GALNT13: variants seen among roughly 807,000 people sequenced by gnomAD.
GALNT13 encodes the protein polypeptide N-acetylgalactosaminyltransferase 13.
A neutral mutation model predicts 64.2 loss-of-function variants in GALNT13; 28 were observed. That is an observed-to-expected ratio of 0.44 (90% confidence interval 0.32 to 0.60). GALNT13 has a LOEUF of 0.60. Among genes scored for constraint, GALNT13 ranks in the 20% least tolerant of loss-of-function variants. The probability of loss-of-function intolerance (pLI) is 0.05; values close to 1 mark genes in which losing one functional copy is unlikely to be tolerated. For synonymous variants in GALNT13, 214 were observed against 224.6 expected, an observed-to-expected ratio of 0.95 and a Z score of 0.42; for missense variants, 577 against 669.8, an observed-to-expected ratio of 0.86 and a Z score of 1.53.
At chr2:154,456,191 T>TTTGTTTTG (rs1553537507), downstream of GALNT13, among the ~76,000 whole-genome samples, 5 of 146,346 alleles carry the variant, frequency 3.4e-5, no homozygotes, top group African/African-American at 1.3e-4. Flanking sequence ...TTTGTTTTGT[T>TTTGTTTTG]TTGTTGTTGT....
At chr2:153,756,213 A>G in the GALNT13 span, among the ~76,000 whole-genome samples, 1 of 152,160 alleles carries the variant, frequency 6.6e-6, no homozygotes, top group Non-Finnish European at 1.5e-5. Flanking sequence ...ATTTATGAAT[A>G]CTATACTATG....
At chr2:154,346,417 G>T (rs149060948) in intron 9 of GALNT13, among the ~76,000 whole-genome samples, 2 of 151,956 alleles carry the variant, frequency 1.3e-5, no homozygotes, top group Non-Finnish European at 2.9e-5. Flanking sequence ...ATCTTGAATT[G>T]TGGCTCCCAT....
chr2:154,317,041 C>T (rs1392546236), intron 9 of GALNT13, among the ~76,000 whole-genome samples: 5 of 151,878 alleles, frequency 3.3e-5, no homozygotes, highest in Non-Finnish European at 2.9e-5. Flanking sequence ...GGTGAAACCC[C>T]GACTCTACTA....
At chr2:154,363,188 G>A (rs1329354710) in intron 9 of GALNT13, among the ~76,000 whole-genome samples, 1 of 152,032 alleles carries the variant, frequency 6.6e-6, no homozygotes, top group East Asian at 1.9e-4. Context: ...AACCCAATAG[G>A]CTTGGTAAGC....
intron 9 of GALNT13, among the ~76,000 whole-genome samples, chr2:154,347,621 A>G (rs17811332): frequency 0.15 from 23,232 of 152,138 alleles, 2,225 homozygotes; most frequent in South Asian, 0.2. Flanking sequence ...AGACAAAGTC[A>G]TAGAAGGAAA....
At chr2:153,555,597 T>C in the GALNT13 span, among the ~76,000 whole-genome samples, 10 of 152,244 alleles carry the variant, frequency 6.6e-5, no homozygotes, top group African/African-American at 2.2e-4. Flanking sequence ...AATTTCATTC[T>C]CACTACTATC....
At chr2:154,050,778 C>T (rs1699561162) in intron 3 of GALNT13, among the ~76,000 whole-genome samples, 1 of 151,950 alleles carries the variant, frequency 6.6e-6, no homozygotes, top group South Asian at 2.1e-4. Context: ...ATTTTATTAC[C>T]TTTTTCTACA....
chr2:153,217,278 T>C, the GALNT13 span, among the ~76,000 whole-genome samples: 2 of 152,090 alleles, frequency 1.3e-5, no homozygotes, highest in Non-Finnish European at 2.9e-5. Context: ...TGACTACTTC[T>C]GGGTTTTGAA....
At chr2:154,315,230 G>T (rs576276079) in intron 9 of GALNT13, among the ~76,000 whole-genome samples, 7 of 152,044 alleles carry the variant, frequency 4.6e-5, no homozygotes, top group Non-Finnish European at 8.8e-5. Flanking sequence ...CTTGGTAGCC[G>T]TTCTTCCTCA....
At chr2:153,129,688 T>A in the GALNT13 span, among the ~76,000 whole-genome samples, 2 of 151,824 alleles carry the variant, frequency 1.3e-5, no homozygotes. Flanking sequence ...CAGAATTGCT[T>A]GAACTAGGGA....
At chr2:153,955,559 G>T (rs1392695682) in intron 3 of GALNT13, among the ~76,000 whole-genome samples, 1 of 152,130 alleles carries the variant, frequency 6.6e-6, no homozygotes, top group Non-Finnish European at 1.5e-5. Flanking sequence ...ATTTTAAAGG[G>T]CTGAGTGCTG....
the GALNT13 span, among the ~76,000 whole-genome samples, chr2:153,138,118 G>C: frequency 6.6e-6 from 1 of 152,008 alleles, no homozygotes; most frequent in Non-Finnish European, 1.5e-5. Context: ...CCTATTTACA[G>C]ATGAGGAAAC....
intron 11 of GALNT13, among the ~76,000 whole-genome samples, chr2:154,415,135 A>AG (rs879626002): frequency 1.4e-3 from 184 of 136,256 alleles, no homozygotes; most frequent in African/African-American, 4.5e-3. Context: ...CCCCATCTCT[A>AG]GAAAAAAAAA....
intron 3 of GALNT13, among the ~76,000 whole-genome samples, chr2:154,101,908 A>C (rs1702366495): frequency 6.6e-6 from 1 of 152,124 alleles, no homozygotes; most frequent in East Asian, 1.9e-4. Context: ...CCCAAAAGTA[A>C]TTCAGGAGCA....
At chr2:153,709,339 A>G in the GALNT13 span, among the ~76,000 whole-genome samples, 1 of 152,118 alleles carries the variant, frequency 6.6e-6, no homozygotes, top group African/African-American at 2.4e-5. Context: ...AAAGACATGA[A>G]TAGACTTTTC....
chr2:154,124,528 T>C (rs1682142085), intron 3 of GALNT13, among the ~76,000 whole-genome samples: 1 of 152,012 alleles, frequency 6.6e-6, no homozygotes. Flanking sequence ...AGATGAGATA[T>C]TTTGATTTTT....
chr2:153,259,923 C>T, the GALNT13 span, among the ~76,000 whole-genome samples: 2 of 151,988 alleles, frequency 1.3e-5, no homozygotes, highest in African/African-American at 4.8e-5. Flanking sequence ...AGGTGAATTT[C>T]TCAGATGGCA....
intron 4 of GALNT13, among the ~76,000 whole-genome samples, chr2:154,182,893 G>C (rs776369959): frequency 2.0e-5 from 3 of 151,890 alleles, no homozygotes; most frequent in Non-Finnish European, 4.4e-5. Context: ...TGATCATTGT[G>C]TATGGTCTTC....
chr2:153,497,528 T>A, the GALNT13 span, among the ~76,000 whole-genome samples: 1 of 94,858 alleles, frequency 1.1e-5, no homozygotes, highest in Admixed American at 1.2e-4. Context: ...CCGCATTTTT[T>A]TTTTTTTTTT....
Sources: allele counts gnomAD v4.1 joint callset (sites outside exome capture counted in the v4.1 genomes callset), GRCh38; gene constraint gnomAD v4.1.1; transcripts MANE v1.5; gene names NCBI Gene and HGNC (gene_info 2026-07-23, HGNC 2026-07-21).